The following GALNT18 variants were observed in gnomAD, a reference collection of about 807,000 sequenced individuals.
GALNT18 encodes GalNAc-transferase 18.
A neutral mutation model predicts 69.5 loss-of-function variants in GALNT18; 44 were observed. That is an observed-to-expected ratio of 0.63 (90% confidence interval 0.50 to 0.81). GALNT18 has a LOEUF of 0.81. GALNT18 is among the 40% of genes least tolerant of loss of function. GALNT18 has a pLI of 0.00. For synonymous variants in GALNT18, 364 were observed against 318.2 expected (o/e 1.14, Z -1.53); for missense variants, 715 against 810.0 (o/e 0.88, Z 1.42).
chr11:11,279,330 A>T (rs932247899), intron 10 of GALNT18, among the ~76,000 whole-genome samples: 18 of 152,182 alleles, frequency 1.2e-4, no homozygotes, highest in African/African-American at 3.1e-4. Flanking sequence ...AAAATTTCTT[A>T]AAAAAATTTA....
intron 3 of GALNT18, among the ~76,000 whole-genome samples, chr11:11,403,089 G>T (rs531223277): frequency 1.4e-4 from 21 of 152,236 alleles, no homozygotes; most frequent in Non-Finnish European, 1.5e-4. Context: ...ACAAATCAGG[G>T]GTCTGTACAG....
intron 3 of GALNT18, among the ~76,000 whole-genome samples, chr11:11,412,105 C>T (rs980067363): frequency 7.2e-5 from 11 of 152,186 alleles, no homozygotes; most frequent in Non-Finnish European, 1.5e-4. Context: ...CAAGAGCATC[C>T]ACTATAGTAA....
chr11:11,378,299 G>T (rs1853823744), intron 4 of GALNT18, among the ~76,000 whole-genome samples: 1 of 152,202 alleles, frequency 6.6e-6, no homozygotes, highest in African/African-American at 2.4e-5. Context: ...GGGGAGGAGA[G>T]CAGACCCCAG....
chr11:11,608,847 A>C (rs1859817478), intron 1 of GALNT18, among the ~76,000 whole-genome samples: 1 of 152,070 alleles, frequency 6.6e-6, no homozygotes, highest in Non-Finnish European at 1.5e-5. Flanking sequence ...TCATAACTAA[A>C]CTTGCCCTCT....
intron 3 of GALNT18, among the ~76,000 whole-genome samples, chr11:11,388,563 A>G (rs1240212812): frequency 6.8e-6 from 1 of 147,916 alleles, no homozygotes; most frequent in African/African-American, 2.5e-5. Context: ...AGATGCTTCC[A>G]CCATTGCTGA....
Position 11,606,544 on chromosome 11 carries a change from GAGA to G in GALNT18, c.235+14812_235+14814del, listed in dbSNP as rs1240393723. Among the ~76,000 whole-genome samples the G allele has an allele frequency of 6.6e-6, 1 of 152,262 alleles. No homozygotes were observed. The highest frequency in any genetic ancestry group is 1.5e-5 in the Non-Finnish European group (1 of 68,018). ...AATCATCACTCTGGTTTGAGGGGCT[GAGA>G]AGAAGCTCTGTTCCCAGATACGGAG... On this transcript the variant is annotated intron_variant, in intron 1 of 10. Coordinates refer to ENST00000227756, the MANE Select transcript of GALNT18 (RefSeq NM_198516.3). This position sits in a 1 kb window ranked among gnomAD's most constrained non-coding sequence, Gnocchi z 5.4.
chr11:11,368,418 GT>G (rs1850820780), intron 6 of GALNT18, among the ~76,000 whole-genome samples: 1 of 152,082 alleles, frequency 6.6e-6, no homozygotes, highest in Non-Finnish European at 1.5e-5. Flanking sequence ...CCTCCATACT[GT>G]TTTCTCAGAA....
At chr11:11,433,279 C>T (rs554134614) in intron 2 of GALNT18, among the ~76,000 whole-genome samples, 1 of 152,254 alleles carries the variant, frequency 6.6e-6, no homozygotes, top group Non-Finnish European at 1.5e-5. Flanking sequence ...AGAAGGCATA[C>T]TGCCTGCAAC....
chr11:11,413,511 A>T lies in GALNT18; in HGVS notation c.595+19110T>A, dbSNP rs559128850. 1.3e-4 allele frequency among the ~76,000 whole-genome samples: 20 copies of T among 152,244 alleles called. No homozygotes were observed. The highest frequency in any genetic ancestry group is 2.2e-4 in the Non-Finnish European group (15 of 68,004). ...AGGCCCCTTAACAACATTAGACTGCAATTTCAGGTTTATATAATTTGGTGC... is the reference window on the plus strand; with the variant it reads ...AGGCCCCTTAACAACATTAGACTGCTATTTCAGGTTTATATAATTTGGTGC... On this transcript the variant is annotated intron_variant, in intron 3 of 10. Coordinates refer to ENST00000227756, the MANE Select transcript of GALNT18 (RefSeq NM_198516.3). The surrounding 1 kb of genome is among the most constrained non-coding windows in gnomAD (Gnocchi z 4.7).
At chr11:11,479,534 G>A (rs1856477339) in intron 1 of GALNT18, among the ~76,000 whole-genome samples, 1 of 152,192 alleles carries the variant, frequency 6.6e-6, no homozygotes, top group Admixed American at 6.5e-5. Flanking sequence ...GATCTGGGAA[G>A]ATGACTGTGG....
Position 11,356,449 on chromosome 11 carries a change from G to A in GALNT18, c.1093-15445C>T, listed in dbSNP as rs1460524397. Among the ~76,000 whole-genome samples, 4 of 152,184 alleles carry A rather than the reference G, an allele frequency of 2.6e-5. No individual in the cohort carries two copies. The highest frequency in any genetic ancestry group is 5.9e-5 in the Non-Finnish European group (4 of 68,030). On this transcript the variant is annotated intron_variant, in intron 6 of 10. Transcript: ENST00000227756. The surrounding 1 kb of genome is among the most constrained non-coding windows in gnomAD (Gnocchi z 4.4). The stretch of plus-strand genomic sequence containing the variant: ...GGGAGACAGAAAATGACTCTGGGGA[G>A]CTTTAACATACATTGTGAGCTTCCA...
At chr11:11,442,183 T>C (rs1855544078) in intron 2 of GALNT18, among the ~76,000 whole-genome samples, 1 of 152,206 alleles carries the variant, frequency 6.6e-6, no homozygotes, top group Non-Finnish European at 1.5e-5. Flanking sequence ...AACTGTCTCC[T>C]ATCTTCAAAG....
At chr11:11,547,351 G>T (rs1339265288) in intron 1 of GALNT18, among the ~76,000 whole-genome samples, 2 of 152,202 alleles carry the variant, frequency 1.3e-5, no homozygotes, top group Non-Finnish European at 2.9e-5. Context: ...TCAGGCTCAG[G>T]TAAGGCCCCT....
At chr11:11,526,545 T>C (rs1180961340) in intron 1 of GALNT18, among the ~76,000 whole-genome samples, 1 of 152,172 alleles carries the variant, frequency 6.6e-6, no homozygotes, top group Non-Finnish European at 1.5e-5. Context: ...ATATAGTGTA[T>C]TTGTCAGGGG....
chr11:11,568,367 C>A (rs981387818), intron 1 of GALNT18, among the ~76,000 whole-genome samples: 1 of 152,094 alleles, frequency 6.6e-6, no homozygotes. Flanking sequence ...GCTCCTATCA[C>A]CCACCTAACA....
chr11:11,447,815 A>T (rs1430406688), intron 2 of GALNT18, among the ~76,000 whole-genome samples: 1 of 152,152 alleles, frequency 6.6e-6, no homozygotes, highest in Non-Finnish European at 1.5e-5. Context: ...ATATGTGGGG[A>T]TTATGGGAAC....
At chr11:11,530,905 T>A (rs1350503567) in intron 1 of GALNT18, among the ~76,000 whole-genome samples, 2 of 151,910 alleles carry the variant, frequency 1.3e-5, no homozygotes, top group Non-Finnish European at 1.5e-5. Flanking sequence ...GCCAAGGAGG[T>A]AGGGTCAAGT....
rs891695370 is a variant in GALNT18, at chr11:11,555,966, T to C, written c.235+65393A>G. 6.6e-6 allele frequency among the ~76,000 whole-genome samples: 1 copy of C among 152,178 alleles called. No homozygotes were observed. Among genetic ancestry groups the C allele is most frequent in the African/African-American group, 2.4e-5 (1 of 41,432 alleles). ...GCTTTCCCTTATTTCCTCTGAGTCC[T>C]CTAACCGAGATCAGACTTAAGTCAA... On this transcript the variant is annotated intron_variant, in intron 1 of 10. Coordinates refer to ENST00000227756, the MANE Select transcript of GALNT18 (RefSeq NM_198516.3). The surrounding 1 kb of genome is among the most constrained non-coding windows in gnomAD (Gnocchi z 4.7).
intron 1 of GALNT18, among the ~76,000 whole-genome samples, chr11:11,533,031 G>A (rs749042769): frequency 6.6e-6 from 1 of 152,104 alleles, no homozygotes; most frequent in East Asian, 1.9e-4. Flanking sequence ...CTCAAAGTGG[G>A]GTCTGGGCAC....
Sources: allele counts gnomAD v4.1 joint callset (sites outside exome capture counted in the v4.1 genomes callset), GRCh38; gene constraint gnomAD v4.1.1; non-coding constraint Gnocchi (gnomAD v3.1); transcripts MANE v1.5; gene names NCBI Gene and HGNC (gene_info 2026-07-23, HGNC 2026-07-21).